Variants in ADAMTS6 observed in about 807,000 individuals in gnomAD.
The protein encoded by ADAMTS6 is A disintegrin and metalloproteinase with thrombospondin motifs 6.
ADAMTS6 carries 23 observed loss-of-function variants against 144.3 expected under a neutral mutation model. The observed-to-expected ratio is 0.16, with a 90% CI of 0.11 to 0.23. The LOEUF is 0.23. Ranked by LOEUF, ADAMTS6 falls within the 10% of genes least tolerant of loss-of-function variation. ADAMTS6 has a pLI of 1.00. For missense variants in ADAMTS6, 999 were observed against 1,379.6 expected, an observed-to-expected ratio of 0.72 and a Z score of 4.37; for synonymous variants, 444 against 457.5, an observed-to-expected ratio of 0.97 and a Z score of 0.38.
At chr5:65,448,236 A>G (rs1758434788) in intron 7 of ADAMTS6, among the ~76,000 whole-genome samples, 1 of 152,152 alleles carries the variant, frequency 6.6e-6, no homozygotes, top group African/African-American at 2.4e-5. Context: ...CTGTCTAGTC[A>G]GAGTGATCTG....
chr5:65,316,243 T>C (rs1470270291), intron 9 of ADAMTS6, among the ~76,000 whole-genome samples: 1 of 152,156 alleles, frequency 6.6e-6, no homozygotes, highest in Non-Finnish European at 1.5e-5. Context: ...CCCTTTTCAG[T>C]AATTGATAGA....
chr5:65,404,545 T>C (rs377483841), intron 7 of ADAMTS6, among the ~76,000 whole-genome samples: 31 of 152,360 alleles, frequency 2.0e-4, no homozygotes, highest in East Asian at 1.7e-3. Flanking sequence ...CAGTCTATCA[T>C]TGATGGACAT....
chr5:65,426,304 C>T (rs1756530052), intron 7 of ADAMTS6, among the ~76,000 whole-genome samples: 1 of 151,612 alleles, frequency 6.6e-6, no homozygotes, highest in Non-Finnish European at 1.5e-5. Flanking sequence ...GGTGATCCAC[C>T]CACCTTGGCC....
intron 7 of ADAMTS6, among the ~76,000 whole-genome samples, chr5:65,346,541 G>A (rs75356861): frequency 0.11 from 17,205 of 151,578 alleles, 1,051 homozygotes; most frequent in African/African-American, 0.15. Context: ...AAAAATAGGT[G>A]AAAGTTTTTG....
intron 2 of ADAMTS6, among the ~76,000 whole-genome samples, chr5:65,472,532 G>A (rs1220320869): frequency 6.6e-6 from 1 of 152,046 alleles, no homozygotes; most frequent in Non-Finnish European, 1.5e-5. Flanking sequence ...AAAACAGCTT[G>A]ACTAAAATTT....
At chr5:65,191,236 C>G (rs1426874735) in intron 21 of ADAMTS6, among the ~76,000 whole-genome samples, 1 of 152,064 alleles carries the variant, frequency 6.6e-6, no homozygotes, top group Non-Finnish European at 1.5e-5. Flanking sequence ...ATAAGAGTGG[C>G]TTGCTGCAGC....
At chr5:65,420,036 G>A (rs1161464668) in intron 7 of ADAMTS6, among the ~76,000 whole-genome samples, 1 of 152,172 alleles carries the variant, frequency 6.6e-6, no homozygotes, top group Non-Finnish European at 1.5e-5. Flanking sequence ...CAGCATGGCT[G>A]GGGAGGCCTC....
At chr5:65,387,165 C>T (rs967470004) in intron 7 of ADAMTS6, among the ~76,000 whole-genome samples, 8 of 152,024 alleles carry the variant, frequency 5.3e-5, no homozygotes, top group Non-Finnish European at 1.0e-4. Context: ...AGCATAAGTG[C>T]TAAGAAACAA....
chr5:65,397,808 C>A lies in ADAMTS6; in HGVS notation c.1073+53667G>T, dbSNP rs965380084. 3.4e-5 allele frequency among the ~76,000 whole-genome samples: 5 copies of A among 147,330 alleles called. No homozygotes were observed. The East Asian group carries it at 9.9e-4, about 29-fold the overall frequency. On this transcript the variant is annotated intron_variant, in intron 7 of 24. Coordinates refer to ENST00000381055, the MANE Select transcript of ADAMTS6 (RefSeq NM_197941.4). ...GGGAGGATTGCTTGAGCCCAGGAAG[C>A]AGAGGATGCAGTGAGCTATGATTTT...
intron 1 of ADAMTS6, among the ~76,000 whole-genome samples, chr5:65,479,257 A>T (rs1761044904): frequency 6.6e-6 from 1 of 152,188 alleles, no homozygotes; most frequent in African/African-American, 2.4e-5. Context: ...CTGTATGCTA[A>T]GGACACAATT....
At chr5:65,196,605 A>C (rs1755397890) in intron 21 of ADAMTS6, among the ~76,000 whole-genome samples, 1 of 151,200 alleles carries the variant, frequency 6.6e-6, no homozygotes, top group Admixed American at 6.6e-5. Flanking sequence ...AGTGTAAATA[A>C]ATCACTATAT....
At chr5:65,289,949 C>T (rs1314551057) in intron 11 of ADAMTS6, among the ~76,000 whole-genome samples, 2 of 152,058 alleles carry the variant, frequency 1.3e-5, no homozygotes, top group East Asian at 3.9e-4. Context: ...TTTATTGAAA[C>T]ATAAACAACC....
chr5:65,340,202 A>AAT (rs1005098811), intron 7 of ADAMTS6, among the ~76,000 whole-genome samples: 1 of 152,126 alleles, frequency 6.6e-6, no homozygotes, highest in African/African-American at 2.4e-5. Flanking sequence ...ATAGGCCAGG[A>AAT]GAGAATGAGA....
rs1354556784 is a variant in ADAMTS6 at position 65,170,486 on chromosome 5, A to C, written c.3244+131T>G. On this transcript the variant is annotated intron_variant, in intron 24 of 24. Coordinates refer to ENST00000381055, the MANE Select transcript of ADAMTS6 (RefSeq NM_197941.4). ...CTTGGGTTTCCTGATTGCTGTCTGC[A>C]TATAAGCAGCTTTCACAAATGCTCT... 3 of 1,032,956 alleles carry C rather than the reference A, an allele frequency of 2.9e-6. No individual in the cohort carries two copies. The African/African-American group carries it at 4.8e-5, about 17-fold the overall frequency. The allele number at this position is 1,032,956 out of a possible 1,614,324, so 64.0% of individuals were successfully genotyped here.
In ADAMTS6 at chr5:65,363,798, G is replaced by A. The variant is rs1238327749; in HGVS notation, c.1074-29713C>T. On this transcript the variant is annotated intron_variant, in intron 7 of 24. Coordinates refer to ENST00000381055, the MANE Select transcript of ADAMTS6 (RefSeq NM_197941.4). ...ACCAGCCAAACAACACAATGTTCAC[G>A]GTAAGAAAATTATCTTTGGGATTTA... is the stretch of plus-strand genomic sequence containing the variant. Among the ~76,000 whole-genome samples the A allele has an allele frequency of 4.0e-4, 61 of 152,030 alleles. 1 individual carries two copies. The highest frequency in any genetic ancestry group is 3.9e-3 in the Admixed American group (60 of 15,284).
chr5:65,244,483 A>G (rs1759463181), intron 14 of ADAMTS6, among the ~76,000 whole-genome samples: 1 of 152,176 alleles, frequency 6.6e-6, no homozygotes, highest in African/African-American at 2.4e-5. Flanking sequence ...TTAATGAAGC[A>G]CTTGATAACA....
chr5:65,320,554 CT>C lies in ADAMTS6; in HGVS notation c.1223+8823del, dbSNP rs879889532. 8.0e-3 allele frequency among the ~76,000 whole-genome samples: 1,144 copies of C among 143,438 alleles called. 11 individuals carry two copies. Among genetic ancestry groups the C allele is most frequent in the African/African-American group, 0.02 (778 of 39,678 alleles). The allele number at this position is 143,438 out of a possible 152,430, so 94.1% of individuals were successfully genotyped here. Reference sequence around the variant, plus strand: ...ATAGAAAAACCATTTTATTTTCTCTCTTTTTTTTTTTTACTTTTAAGTTCAA... The same window carrying C: ...ATAGAAAAACCATTTTATTTTCTCTCTTTTTTTTTTTACTTTTAAGTTCAA... On this transcript the variant is annotated intron_variant, in intron 9 of 24. Coordinates refer to ENST00000381055, the MANE Select transcript of ADAMTS6 (RefSeq NM_197941.4).
chr5:65,420,404 G>A (rs181551051), intron 7 of ADAMTS6, among the ~76,000 whole-genome samples: 4 of 151,580 alleles, frequency 2.6e-5, no homozygotes, highest in East Asian at 1.9e-4. Context: ...TTTTTCAGAC[G>A]GAGTTTCACT....
intron 24 of ADAMTS6, among the ~76,000 whole-genome samples, chr5:65,158,641 T>C (rs949725881): frequency 1.8e-4 from 28 of 152,220 alleles, no homozygotes; most frequent in Non-Finnish European, 3.7e-4. Flanking sequence ...CTGAGTAGTA[T>C]TGCAAATGTA....
Sources: allele counts gnomAD v4.1 joint callset (sites outside exome capture counted in the v4.1 genomes callset), GRCh38; gene constraint gnomAD v4.1.1; transcripts MANE v1.5; gene names NCBI Gene and HGNC (gene_info 2026-07-23, HGNC 2026-07-21).